PIK3CB: variants seen among roughly 807,000 people sequenced by gnomAD.
PIK3CB encodes phosphatidylinositol 4,5-bisphosphate 3-kinase catalytic subunit beta isoform.
Under a neutral mutation model 136.8 loss-of-function variants are expected in PIK3CB, and 39 were observed. That is an observed-to-expected ratio of 0.29 (90% CI 0.22 to 0.37). PIK3CB has a LOEUF of 0.37. Among genes scored for constraint, PIK3CB ranks in the 10% least tolerant of loss-of-function variants. PIK3CB has a pLI of 1.00. For synonymous variants in PIK3CB, 428 were observed against 436.6 expected (o/e 0.98, Z 0.25); for missense variants, 868 against 1,275.4 (o/e 0.68, Z 4.87).
At chr3:138,792,143 T>A (rs1265832514) in intron 2 of PIK3CB, among the ~76,000 whole-genome samples, 1 of 152,028 alleles carries the variant, frequency 6.6e-6, no homozygotes, top group African/African-American at 2.4e-5. Flanking sequence ...TGCAGTGAGC[T>A]GAGATCGCGC....
rs577139988 is a variant in PIK3CB at position 138,816,952 on chromosome 3, G to A, written c.-122+17743C>T. Among the ~76,000 whole-genome samples, 652 of 152,260 alleles carry A rather than the reference G, an allele frequency of 4.3e-3. 2 individuals carry two copies. The highest frequency in any genetic ancestry group is 7.7e-3 in the South Asian group (37 of 4,824). On this transcript the variant is annotated intron_variant, in intron 1 of 23. Transcript: ENST00000674063. ...GCCGTGGCTCACGCCTGTAATCCCA[G>A]CACTTTGGGAGGCCAAGGCAGGTGG...
chr3:138,743,511 A>G (rs150486600), intron 4 of PIK3CB, among the ~76,000 whole-genome samples: 2 of 152,200 alleles, frequency 1.3e-5, no homozygotes, highest in African/African-American at 2.4e-5. Context: ...AACATGGTGG[A>G]TGGGGCACCA....
chr3:138,744,611 CTTCT>C (rs1212051763), intron 4 of PIK3CB, among the ~76,000 whole-genome samples: 1 of 151,956 alleles, frequency 6.6e-6, no homozygotes, highest in Non-Finnish European at 1.5e-5. Flanking sequence ...TAATTTCTGA[CTTCT>C]TTGCTTTTTC....
At chr3:138,671,289 AAGTTT>A (rs767801108) in intron 19 of PIK3CB, among the ~76,000 whole-genome samples, 10 of 152,242 alleles carry the variant, frequency 6.6e-5, no homozygotes, top group Non-Finnish European at 1.5e-4. Flanking sequence ...CAAGGGTTGC[AAGTTT>A]TAAAAATATA....
intron 1 of PIK3CB, among the ~76,000 whole-genome samples, chr3:138,809,171 A>G (rs995340022): frequency 2.0e-5 from 3 of 151,822 alleles, no homozygotes; most frequent in Non-Finnish European, 2.9e-5. Context: ...CCAGCTACTC[A>G]GGAAGCTGAG....
intron 2 of PIK3CB, among the ~76,000 whole-genome samples, chr3:138,793,978 T>A (rs1388443518): frequency 6.6e-6 from 1 of 152,182 alleles, no homozygotes; most frequent in Non-Finnish European, 1.5e-5. Flanking sequence ...TTGTTTTGTT[T>A]TGAGATGGAG....
chr3:138,668,235 C>A (rs112376104), intron 19 of PIK3CB, among the ~76,000 whole-genome samples: 2 of 152,120 alleles, frequency 1.3e-5, no homozygotes, highest in East Asian at 3.9e-4. Context: ...AAAGCAAACA[C>A]TGCCAGGTTA....
At chr3:138,799,327 G>A (rs573397472) in intron 1 of PIK3CB, among the ~76,000 whole-genome samples, 89 of 151,900 alleles carry the variant, frequency 5.9e-4, no homozygotes, top group African/African-American at 2.1e-3. Context: ...ACAGGTGCCT[G>A]CTACCACATC....
intron 2 of PIK3CB, among the ~76,000 whole-genome samples, chr3:138,788,183 A>C (rs912197131): frequency 6.6e-6 from 1 of 151,680 alleles, no homozygotes; most frequent in African/African-American, 2.4e-5. Flanking sequence ...TTGGCCTCCC[A>C]AAGTACTGGG....
At chr3:138,681,940 G>GAA (rs145780817) in intron 19 of PIK3CB, 27 bp downstream of exon 19, 1,173 of 1,148,198 alleles carry the variant, frequency 1.0e-3, no homozygotes, top group South Asian at 2.0e-3. Context: ...ACATTAGACT[G>GAA]AAAAAAAAAA....
At chr3:138,807,981 G>T (rs191135937) in intron 1 of PIK3CB, among the ~76,000 whole-genome samples, 3 of 151,528 alleles carry the variant, frequency 2.0e-5, no homozygotes, top group East Asian at 1.9e-4. Flanking sequence ...AAACTCGAGG[G>T]TTTTTTTTAA....
chr3:138,824,124 CTG>C (rs1933677303), intron 1 of PIK3CB, among the ~76,000 whole-genome samples: 1 of 152,164 alleles, frequency 6.6e-6, no homozygotes, highest in African/African-American at 2.4e-5. Flanking sequence ...CAAGAAAAAA[CTG>C]TGGTCAGGAA....
At chr3:138,682,911 G>C (rs1368858094) in intron 18 of PIK3CB, among the ~76,000 whole-genome samples, 1 of 152,130 alleles carries the variant, frequency 6.6e-6, no homozygotes, top group Non-Finnish European at 1.5e-5. Context: ...TAACTAACAA[G>C]TCACCACTGC....
chr3:138,696,419 C>T (rs150075936), intron 13 of PIK3CB, among the ~76,000 whole-genome samples: 28 of 152,138 alleles, frequency 1.8e-4, no homozygotes, highest in African/African-American at 6.3e-4. Flanking sequence ...TTCCTAGACT[C>T]AAGTGATCCT....
chr3:138,787,598 A>C (rs1474634989), intron 2 of PIK3CB, among the ~76,000 whole-genome samples: 2 of 152,040 alleles, frequency 1.3e-5, no homozygotes, highest in Non-Finnish European at 2.9e-5. Flanking sequence ...TTTATCATTC[A>C]TCTGAATAGG....
chr3:138,821,757 G>A (rs999301486), intron 1 of PIK3CB, among the ~76,000 whole-genome samples: 12 of 151,946 alleles, frequency 7.9e-5, no homozygotes, highest in Admixed American at 2.6e-4. Context: ...TGCACTCCAG[G>A]TTGGGCAACA....
chr3:138,691,208 TC>T (rs1177229971), intron 14 of PIK3CB, 65 bp from the exon 15 acceptor site: 45 of 1,428,782 alleles, frequency 3.1e-5, no homozygotes, highest in Non-Finnish European at 4.3e-5. Flanking sequence ...TCCCTTGGTA[TC>T]AAACTATCAA....
chr3:138,683,564 C>A, intron 18 of PIK3CB, 114 bp downstream of exon 18: 1 of 653,044 alleles, frequency 1.5e-6, no homozygotes, highest in Non-Finnish European at 2.7e-6. Flanking sequence ...TAATAGCTAC[C>A]TTCCTGGCTG....
chr3:138,785,735 G>T (rs923667437), intron 2 of PIK3CB, among the ~76,000 whole-genome samples: 3 of 151,124 alleles, frequency 2.0e-5, no homozygotes, highest in Non-Finnish European at 2.9e-5. Flanking sequence ...TTGTTCACAT[G>T]TTTATCTGCT....
Sources: gnomAD v4.1 joint callset for allele counts (sites outside exome capture counted in the v4.1 genomes callset) on GRCh38, gnomAD v4.1.1 for gene constraint, MANE v1.5 for transcripts, NCBI Gene and HGNC (gene_info 2026-07-23, HGNC 2026-07-21) for gene names.